ATAD3B: variants seen among roughly 807,000 people sequenced by gnomAD.
The protein encoded by ATAD3B is ATPase family AAA domain-containing protein 3B.
A neutral mutation model predicts 70.2 loss-of-function variants in ATAD3B; 59 were observed. That is an observed-to-expected ratio of 0.84 (90% CI 0.68 to 1.04). ATAD3B has a LOEUF of 1.04. Among genes scored for constraint, ATAD3B ranks in the 50% least tolerant of loss-of-function variants. The pLI is 0.00. For synonymous variants in ATAD3B, 423 were observed against 388.6 expected (o/e 1.09, Z -1.04); for missense variants, 961 against 913.4 (o/e 1.05, Z -0.67).
the ATAD3B span, among the ~76,000 whole-genome samples, chr1:1,504,644 C>G: frequency 3.4e-5 from 5 of 147,120 alleles, no homozygotes; most frequent in South Asian, 1.1e-3. Context: ...GAGGGAAACT[C>G]TGTCTCAAAA....
intron 15 of ATAD3B, among the ~76,000 whole-genome samples, chr1:1,492,597 C>G (rs572641755): frequency 2.0e-5 from 3 of 148,496 alleles, no homozygotes; most frequent in African/African-American, 7.7e-5. Context: ...GAGTTCGAGG[C>G]CAGCCTGGCC....
chr1:1,490,952 G>A (rs1640512584), intron 15 of ATAD3B, among the ~76,000 whole-genome samples: 1 of 151,968 alleles, frequency 6.6e-6, no homozygotes, highest in Non-Finnish European at 1.5e-5. Context: ...GGGCTCTGCT[G>A]GGTGTGGTGG....
At chr1:1,475,562 C>T (rs192826446) in intron 1 of ATAD3B, among the ~76,000 whole-genome samples, 47 of 152,078 alleles carry the variant, frequency 3.1e-4, no homozygotes, top group African/African-American at 9.2e-4. Context: ...AGCCCCATGC[C>T]GCCTCGTTCC....
intron 2 of ATAD3B, 95 bp from the exon 3 acceptor site, chr1:1,478,549 G>T (rs1557794867): frequency 6.5e-7 from 1 of 1,550,218 alleles, no homozygotes; most frequent in South Asian, 1.2e-5. Flanking sequence ...TGGGCACGGA[G>T]TCTCTGCCGT....
chr1:1,474,683 C>G (rs1639505549), intron 1 of ATAD3B, among the ~76,000 whole-genome samples: 2 of 151,842 alleles, frequency 1.3e-5, no homozygotes, highest in South Asian at 4.2e-4. Context: ...TGTTTTTTTA[C>G]TAGAGACGGG....
chr1:1,485,703 C>T, intron 8 of ATAD3B, 79 bp from the exon 9 acceptor site: 1 of 1,589,116 alleles, frequency 6.3e-7, no homozygotes, highest in South Asian at 1.1e-5. Flanking sequence ...CTGTGTGTTA[C>T]CGAGCATGTG....
In ATAD3B at chr1:1,477,290, C is replaced by G; in HGVS notation, c.222C>G (p.Ala74=). The change falls in exon 2 of 16, where the codon GCC becomes GCG. Residue 74 remains alanine (A), a synonymous_variant. Coordinates refer to ENST00000673477, the MANE Select transcript of ATAD3B (RefSeq NM_031921.6). ...CGCCCGCAGGTTACGCCAAGGAGGC[C>G]CTGAATCTGGCGCAGATGCAGGAGC... ...ELEHSRYAKE[A]LNLAQMQEQT... is the part of the protein sequence containing the mutation. 6.2e-7 allele frequency: 1 copy of G among 1,612,432 alleles called. No homozygotes were observed. Among genetic ancestry groups the G allele is most frequent in the Non-Finnish European group, 8.5e-7 (1 of 1,179,698 alleles).
At chr1:1,489,054 C>T in intron 12 of ATAD3B, 150 bp from the exon 13 acceptor site, 2 of 1,396,118 alleles carry the variant, frequency 1.4e-6, no homozygotes, top group East Asian at 2.4e-5. Context: ...GAGCCACCGC[C>T]CCTGGCCCTG....
intron 15 of ATAD3B, among the ~76,000 whole-genome samples, chr1:1,492,160 T>A (rs985514772): frequency 1.3e-4 from 20 of 151,888 alleles, no homozygotes; most frequent in Non-Finnish European, 2.5e-4. Context: ...CACTCCAGCC[T>A]GGGTTACAGA....
At position 1,486,617 on chromosome 1, in the gene ATAD3B, G is replaced by A. The variant is rs1242343730; in HGVS notation, c.1163G>A (p.Gly388Asp). Residue 388 changes from glycine to aspartate, a missense_variant, in exon 11 of 16, where the codon GGC becomes GAC. Transcript: ENST00000673477. Reference protein sequence around the residue: ...GGDVAPMGREGVTAMHKLFDW... With the variant: ...GGDVAPMGREDVTAMHKLFDW... The stretch of plus-strand genomic sequence containing the variant: ...GACGTGGCCCCCATGGGGCGGGAAG[G>A]CGTGACCGCCATGCACAAGCTCTTT... 2 of 1,611,028 alleles carry A rather than the reference G, an allele frequency of 1.2e-6. No homozygotes were observed. Among genetic ancestry groups the A allele is most frequent in the South Asian group, 1.1e-5 (1 of 90,954 alleles).
intron 12 of ATAD3B, among the ~76,000 whole-genome samples, chr1:1,488,232 A>G (rs1640341278): frequency 6.6e-6 from 1 of 151,984 alleles, no homozygotes. Context: ...CTGGGATTAC[A>G]TGCGTGATCC....
In ATAD3B at chr1:1,487,792, C is replaced by T. The variant is rs1037482174; in HGVS notation, c.1215-71C>T. ...ATCTGCCTGCCTGGCCTGCTCCTGC[C>T]GCGGCCGGACGCTGCTGTGGGCTGC... On this transcript the variant is annotated intron_variant, in intron 11 of 15. Transcript: ENST00000673477. 18 of 1,576,818 alleles carry T rather than the reference C, an allele frequency of 1.1e-5. No individual in the cohort carries two copies. In the East Asian group the frequency reaches 1.3e-4, roughly 12 times the overall value.
intron 7 of ATAD3B, chr1:1,483,843 T>G (rs1640056365): frequency 6.6e-6 from 1 of 152,216 alleles, no homozygotes; most frequent in African/African-American, 2.4e-5. Context: ...CTTCATGTCC[T>G]CAGGTGACAC....
At chr1:1,487,992 G>C (rs1426577153) in intron 12 of ATAD3B, 78 bp downstream of exon 12, 1 of 1,581,530 alleles carries the variant, frequency 6.3e-7, no homozygotes. Flanking sequence ...CCAGGCTGCA[G>C]CCCTTAAGCT....
At chr1:1,480,139 A>G (rs138156008) in intron 4 of ATAD3B, among the ~76,000 whole-genome samples, 1,519 of 140,284 alleles carry the variant, frequency 0.011, 144 homozygotes, top group African/African-American at 0.04. Flanking sequence ...CCCCACTCAC[A>G]GTGTGCCTCA....
downstream of ATAD3B, among the ~76,000 whole-genome samples, chr1:1,500,421 G>A (rs1478961261): frequency 3.2e-4 from 47 of 145,936 alleles, no homozygotes; most frequent in East Asian, 1.9e-3. Context: ...GCGTGGTGGC[G>A]GGCACCTGTA....
At chr1:1,506,745 G>A in the ATAD3B span, among the ~76,000 whole-genome samples, 2 of 150,908 alleles carry the variant, frequency 1.3e-5, no homozygotes, top group Non-Finnish European at 1.5e-5. Flanking sequence ...CTGATGTCAC[G>A]GGGTTGTTTT....
chr1:1,489,746 T>G (rs1640428735), intron 13 of ATAD3B: 2 of 1,308,796 alleles, frequency 1.5e-6, no homozygotes, highest in Admixed American at 4.6e-5. Flanking sequence ...CGTGGCTGAC[T>G]CTTCAGGCAC....
chr1:1,490,336 T>G lies in ATAD3B; in HGVS notation c.1417T>G (p.Phe473Val), dbSNP rs747677411. 6 of 1,613,180 alleles carry G rather than the reference T, an allele frequency of 3.7e-6. No homozygotes were observed. The South Asian group carries it at 6.6e-5, about 18-fold the overall frequency. Residue 473 changes from phenylalanine to valine, a missense_variant, in exon 14 of 16, where the codon TTC becomes GTC. By Grantham distance (50) the Phe-to-Val change is conservative. Around this residue, in one of 4 missense-constraint regions of ATAD3B, gnomAD observed 417 missense variants for 335.0 expected, o/e 1.24. Transcript: ENST00000673477. ...INSRIDVMVH[F>V]DLPQQEERER... ...CAGCCGCATTGACGTGATGGTCCAC[T>G]TCGACCTGCCGCAGCAGGAGGAGCG...
Sources: gnomAD v4.1 joint callset for allele counts (sites outside exome capture counted in the v4.1 genomes callset) on GRCh38, gnomAD v4.1.1 for gene constraint, gnomAD v4.1.1 regional missense constraint, MANE v1.5 for transcripts, NCBI Gene and HGNC (gene_info 2026-07-23, HGNC 2026-07-21) for gene names.